FNIP2: variants seen among roughly 807,000 people sequenced by gnomAD.
FNIP2 encodes the protein folliculin interacting protein 2, also known as folliculin-interacting protein 2.
Under a neutral mutation model 108.7 loss-of-function variants are expected in FNIP2, and 32 were observed. The ratio of observed to expected loss-of-function variants is 0.29; its 90% CI spans 0.22 to 0.40. FNIP2 has a LOEUF of 0.40. Ranked by LOEUF, FNIP2 falls within the 10% of genes least tolerant of loss-of-function variation. The pLI, the probability that FNIP2 is intolerant of heterozygous loss-of-function variation, is 1.00. For synonymous variants in FNIP2, 480 were observed against 496.7 expected, an observed-to-expected ratio of 0.97 and a Z score of 0.45; for missense variants, 1,202 against 1,381.6, an observed-to-expected ratio of 0.87 and a Z score of 2.06.
At chr4:158,769,610 CG>C (rs1417099120) in intron 1 of FNIP2, among the ~76,000 whole-genome samples, 2 of 152,144 alleles carry the variant, frequency 1.3e-5, no homozygotes, top group Non-Finnish European at 2.9e-5. Context: ...CTGTGGCGAC[CG>C]GAGATTCTCC....
intron 1 of FNIP2, among the ~76,000 whole-genome samples, chr4:158,782,982 T>C (rs1776104251): frequency 6.6e-6 from 1 of 152,240 alleles, no homozygotes; most frequent in Non-Finnish European, 1.5e-5. Context: ...TCTTCATTCT[T>C]CAAATCCAGT....
At chr4:158,875,046 G>A (rs1017313887) in intron 14 of FNIP2, among the ~76,000 whole-genome samples, 16 of 150,580 alleles carry the variant, frequency 1.1e-4, no homozygotes, top group African/African-American at 3.9e-4. Context: ...CTGAGATCAT[G>A]CCACTGCACT....
intron 7 of FNIP2, among the ~76,000 whole-genome samples, chr4:158,839,389 T>G (rs1778994614): frequency 6.7e-6 from 1 of 148,336 alleles, no homozygotes; most frequent in East Asian, 1.9e-4. Context: ...GGAGACGGTC[T>G]TGCTTGTCCC....
intron 14 of FNIP2, among the ~76,000 whole-genome samples, chr4:158,882,477 C>T (rs1007101406): frequency 1.3e-5 from 2 of 151,632 alleles, no homozygotes; most frequent in Non-Finnish European, 2.9e-5. Flanking sequence ...TCTGCCTGGC[C>T]GCCACCCCGT....
chr4:158,904,391 C>T (rs1484670807), intron 16 of FNIP2, 75 bp from the exon 17 acceptor site: 1 of 1,327,118 alleles, frequency 7.5e-7, no homozygotes, highest in East Asian at 2.3e-5. Context: ...AATACTTTCT[C>T]ATAAAAAGAA....
intron 5 of FNIP2, among the ~76,000 whole-genome samples, 162 bp from the exon 6 acceptor site, chr4:158,833,366 A>C (rs747509601): frequency 2.0e-5 from 3 of 152,218 alleles, no homozygotes; most frequent in Non-Finnish European, 4.4e-5. Context: ...TGAAGTTGCA[A>C]GTTTAATTCC....
chr4:158,831,878 C>A lies in FNIP2; in HGVS notation c.399C>A (p.Ser133=). The change falls in exon 4 of 17, where the codon TCC becomes TCA. Residue 133 remains serine, a synonymous_variant. Coordinates refer to ENST00000264433, the MANE Select transcript of FNIP2 (RefSeq NM_020840.3). ...LPKYQYTRPA[S]DVNMLGEMMF... is the part of the protein sequence containing the mutation. ...GCATGTAGTACACAAGACCAGCTTC[C>A]GATGTCAACATGTTAGGGGAAATGA... is the stretch of plus-strand genomic sequence containing the variant. 6.2e-7 allele frequency: 1 copy of A among 1,611,222 alleles called. No individual in the cohort carries two copies.
chr4:158,833,816 G>A (rs1433526145), intron 6 of FNIP2, 188 bp downstream of exon 6: 4 of 1,516,948 alleles, frequency 2.6e-6, no homozygotes, highest in Non-Finnish European at 3.5e-6. Context: ...CTGCAAGCAT[G>A]CAGCAGCAAA....
At chr4:158,879,805 AAG>A in intron 14 of FNIP2, among the ~76,000 whole-genome samples, 1 of 150,534 alleles carries the variant, frequency 6.6e-6, no homozygotes, top group East Asian at 2.0e-4. Flanking sequence ...CACTTCACAA[AAG>A]AAGACATTTA....
chr4:158,895,527 A>T (rs1023298189), intron 15 of FNIP2, among the ~76,000 whole-genome samples: 1 of 152,252 alleles, frequency 6.6e-6, no homozygotes, highest in African/African-American at 2.4e-5. Context: ...AATAATACAT[A>T]TGTAAATCTT....
intron 1 of FNIP2, among the ~76,000 whole-genome samples, chr4:158,821,783 A>G (rs1183086123): frequency 2.0e-5 from 3 of 152,116 alleles, no homozygotes; most frequent in African/African-American, 7.2e-5. Context: ...TGTTTCCTTT[A>G]CCAAATTATG....
At chr4:158,855,541 G>A (rs757576872) in intron 8 of FNIP2, among the ~76,000 whole-genome samples, 9 of 152,162 alleles carry the variant, frequency 5.9e-5, no homozygotes, top group Non-Finnish European at 1.0e-4. Context: ...TCTGCTTCCC[G>A]GGTTCAAGCG....
intron 13 of FNIP2, 60 bp from the exon 14 acceptor site, chr4:158,870,253 T>C (rs900750974): frequency 6.4e-7 from 1 of 1,568,986 alleles, no homozygotes; most frequent in African/African-American, 1.4e-5. Context: ...GTACCAATTA[T>C]AATGAAAGAA....
In FNIP2 at chr4:158,829,225, G is replaced by A; in HGVS notation, c.381G>A (p.Gln127=). The A allele has an allele frequency of 6.2e-7, 1 of 1,604,936 alleles. No individual in the cohort carries two copies. Among genetic ancestry groups the A allele is most frequent in the Non-Finnish European group, 8.5e-7 (1 of 1,174,862 alleles). ...CTAAGGAACAGCTTCCAAAGTACCAGGTACAACCATCCCTTCTGTGGGAAT... is the reference window on the plus strand; with the variant it reads ...CTAAGGAACAGCTTCCAAAGTACCAAGTACAACCATCCCTTCTGTGGGAAT... ...HHAKEQLPKY[Q]YTRPASDVNM... The change falls in exon 3 of 17, where the codon CAG becomes CAA. Residue 127 remains glutamine, a splice_region_variant and synonymous_variant. Coordinates refer to ENST00000264433, the MANE Select transcript of FNIP2 (RefSeq NM_020840.3).
At chr4:158,795,675 C>T (rs1193346396) in intron 1 of FNIP2, among the ~76,000 whole-genome samples, 1 of 152,190 alleles carries the variant, frequency 6.6e-6, no homozygotes, top group Non-Finnish European at 1.5e-5. Context: ...CCACACAGAG[C>T]AGCGGGCAAG....
At chr4:158,894,927 A>T (rs1299650518) in intron 15 of FNIP2, among the ~76,000 whole-genome samples, 1 of 152,202 alleles carries the variant, frequency 6.6e-6, no homozygotes, top group African/African-American at 2.4e-5. Context: ...TGCATCTGTT[A>T]ATCTTTTTAC....
chr4:158,835,335 A>C, intron 6 of FNIP2, 70 bp from the exon 7 acceptor site: 1 of 1,318,824 alleles, frequency 7.6e-7, no homozygotes, highest in Non-Finnish European at 1.1e-6. Context: ...TTTAAAAATT[A>C]CTGCAGTCAT....
At chr4:158,902,188 TG>T (rs1287738770) in intron 16 of FNIP2, among the ~76,000 whole-genome samples, 1 of 152,150 alleles carries the variant, frequency 6.6e-6, no homozygotes, top group Non-Finnish European at 1.5e-5. Flanking sequence ...ACGTCCTTTT[TG>T]TTGATGTTGA....
At chr4:158,779,913 A>T (rs545092087) in intron 1 of FNIP2, among the ~76,000 whole-genome samples, 1 of 151,972 alleles carries the variant, frequency 6.6e-6, no homozygotes, top group South Asian at 2.1e-4. Context: ...TGTGGGCAAA[A>T]AATAAAAATT....
Sources: gnomAD v4.1 joint callset for allele counts (sites outside exome capture counted in the v4.1 genomes callset) on GRCh38, gnomAD v4.1.1 for gene constraint, MANE v1.5 for transcripts, NCBI Gene and HGNC (gene_info 2026-07-23, HGNC 2026-07-21) for gene names.